MSH3: variants seen among roughly 807,000 people sequenced by gnomAD.
MSH3 encodes mutS homolog 3, also known as DNA mismatch repair protein Msh3.
A neutral mutation model predicts 123.3 loss-of-function variants in MSH3; 106 were observed. That is an observed-to-expected ratio of 0.86 (90% confidence interval 0.73 to 1.01). The LOEUF (loss-of-function observed/expected upper bound fraction) is 1.01. Among genes scored for constraint, MSH3 ranks in the 50% least tolerant of loss-of-function variants. The probability of loss-of-function intolerance (pLI) is 0.00; values close to 1 mark genes in which losing one functional copy is unlikely to be tolerated. For synonymous variants in MSH3, 515 were observed against 481.4 expected (o/e 1.07, Z -0.91); for missense variants, 1,459 against 1,347.6 (o/e 1.08, Z -1.29).
intron 1 of MSH3, 153 bp downstream of exon 1, chr5:80,655,117 G>C: frequency 1.9e-6 from 1 of 526,708 alleles, no homozygotes; most frequent in Non-Finnish European, 3.3e-6. Flanking sequence ...AGCCCAGCCG[G>C]GGCTACAAAT....
chr5:80,710,928 C>T (rs1023820083), intron 8 of MSH3, among the ~76,000 whole-genome samples: 7 of 152,238 alleles, frequency 4.6e-5, no homozygotes, highest in Middle Eastern at 6.8e-3. Context: ...CCAAGTTGCA[C>T]GCTGATCCTC....
intron 19 of MSH3, among the ~76,000 whole-genome samples, chr5:80,808,840 T>C (rs1330267884): frequency 1.4e-5 from 2 of 138,916 alleles, no homozygotes; most frequent in Non-Finnish European, 3.1e-5. Flanking sequence ...TTACTTACTT[T>C]GGGTAATATA....
At chr5:80,776,368 G>C (rs1408270707) in intron 16 of MSH3, among the ~76,000 whole-genome samples, 3 of 152,178 alleles carry the variant, frequency 2.0e-5, no homozygotes, top group African/African-American at 4.8e-5. Context: ...ACCTTCAATT[G>C]TAAGATTAAT....
chr5:80,808,884 C>CTATATATATATATATAGATATAT (rs1561485262), intron 19 of MSH3, among the ~76,000 whole-genome samples: 1 of 118,676 alleles, frequency 8.4e-6, no homozygotes, highest in Non-Finnish European at 1.8e-5. Context: ...TATATATATA[C>CTATATATATATATATAGATATAT]ACAATCTAAA....
At chr5:80,712,624 G>C (rs750222119) in intron 8 of MSH3, among the ~76,000 whole-genome samples, 7 of 152,004 alleles carry the variant, frequency 4.6e-5, no homozygotes, top group Non-Finnish European at 8.8e-5. Context: ...GATCCAATCT[G>C]AATTTAATTT....
At chr5:80,743,022 T>C (rs1743644858) in intron 11 of MSH3, among the ~76,000 whole-genome samples, 1 of 152,082 alleles carries the variant, frequency 6.6e-6, no homozygotes, top group Non-Finnish European at 1.5e-5. Context: ...GAGATTAACA[T>C]CTTCTGCTTG....
chr5:80,700,046 C>T (rs1178968128), intron 8 of MSH3, among the ~76,000 whole-genome samples: 5 of 152,054 alleles, frequency 3.3e-5, no homozygotes, highest in East Asian at 1.9e-4. Flanking sequence ...GTTTATTAGA[C>T]GGTAGTTTCA....
intron 13 of MSH3, among the ~76,000 whole-genome samples, chr5:80,762,162 AG>A (rs1399297242): frequency 6.6e-6 from 1 of 152,134 alleles, no homozygotes; most frequent in Non-Finnish European, 1.5e-5. Flanking sequence ...TTATCACTTA[AG>A]CTTTACAGTT....
chr5:80,685,105 G>T (rs764281237), intron 8 of MSH3, among the ~76,000 whole-genome samples: 2 of 151,312 alleles, frequency 1.3e-5, no homozygotes, highest in African/African-American at 4.9e-5. Flanking sequence ...TTCATCAAGA[G>T]ATATTGGCCT....
At chr5:80,849,227 AGG>A (rs1477116544) in intron 20 of MSH3, among the ~76,000 whole-genome samples, 2 of 152,146 alleles carry the variant, frequency 1.3e-5, no homozygotes, top group African/African-American at 4.8e-5. Context: ...TGTGCTTTGC[AGG>A]GTACAGCCTC....
At chr5:80,770,067 A>T (rs1744190877) in intron 15 of MSH3, among the ~76,000 whole-genome samples, 1 of 152,170 alleles carries the variant, frequency 6.6e-6, no homozygotes, top group Non-Finnish European at 1.5e-5. Context: ...GACAATATTT[A>T]TACTTATGTT....
chr5:80,733,150 A>G (rs1003342023), intron 10 of MSH3, among the ~76,000 whole-genome samples: 6 of 152,204 alleles, frequency 3.9e-5, no homozygotes, highest in Non-Finnish European at 7.4e-5. Context: ...CATGTGATCA[A>G]TGTGATAGAA....
rs1749751132 is a variant in MSH3 at position 80,672,719 on chromosome 5, A to G, written c.910-22A>G. ...AGTCATTTTTTATCCTTTGATAGCA[A>G]TATTTCTTATTTTTGTTGAAGGTGG... On this transcript the variant is annotated intron_variant, in intron 5 of 23. Transcript: ENST00000265081. 4 of 1,563,718 alleles carry G rather than the reference A, an allele frequency of 2.6e-6. No homozygotes were observed. The Admixed American group carries it at 5.0e-5, about 20-fold the overall frequency.
intron 20 of MSH3, among the ~76,000 whole-genome samples, chr5:80,828,265 A>G (rs1251342227): frequency 6.6e-6 from 1 of 152,220 alleles, no homozygotes; most frequent in African/African-American, 2.4e-5. Context: ...GGCTTTTACA[A>G]CAGACCCACT....
At chr5:80,698,566 T>C (rs957035303) in intron 8 of MSH3, among the ~76,000 whole-genome samples, 7 of 152,042 alleles carry the variant, frequency 4.6e-5, no homozygotes, top group African/African-American at 1.7e-4. Flanking sequence ...GAGCGTGCTT[T>C]TCTTAGGAAG....
intron 8 of MSH3, among the ~76,000 whole-genome samples, chr5:80,718,431 C>T (rs1038775812): frequency 7.9e-5 from 12 of 151,402 alleles, no homozygotes; most frequent in African/African-American, 1.9e-4. Context: ...TATAAAAATA[C>T]GTTTTAAACC....
rs1580076571 is a variant in MSH3, at chr5:80,830,912, A to G, written c.2813+17171A>G. Among the ~76,000 whole-genome samples the G allele has an allele frequency of 2.0e-5, 3 of 152,340 alleles. No homozygotes were observed. In the Middle Eastern group the frequency reaches 0.01, roughly 518 times the overall value. ...GATTATATGTGCAGTTTAGTATTAT[A>G]ACTTTTATAAATAAACTTTAAATAC... On this transcript the variant is annotated intron_variant, in intron 20 of 23. Coordinates refer to ENST00000265081, the MANE Select transcript of MSH3 (RefSeq NM_002439.5).
intron 10 of MSH3, among the ~76,000 whole-genome samples, chr5:80,738,249 G>A (rs1409512066): frequency 6.6e-6 from 1 of 152,174 alleles, no homozygotes; most frequent in Non-Finnish European, 1.5e-5. Flanking sequence ...CTGTATACCA[G>A]GTAGTGGGTT....
intron 8 of MSH3, among the ~76,000 whole-genome samples, chr5:80,692,448 TTAGA>T (rs1245894691): frequency 5.4e-5 from 2 of 37,086 alleles, no homozygotes. Flanking sequence ...ATGTATATGT[TTAGA>T]TAGATAAACA....
Sources: allele counts gnomAD v4.1 joint callset (sites outside exome capture counted in the v4.1 genomes callset), GRCh38; gene constraint gnomAD v4.1.1; transcripts MANE v1.5; gene names NCBI Gene and HGNC (gene_info 2026-07-23, HGNC 2026-07-21).